The following TP73 variants were observed in gnomAD, a reference collection of about 807,000 sequenced individuals.
TP73 encodes tumor protein p73.
In TP73, 25 loss-of-function variants were observed where a neutral mutation model predicts 62.5. The observed-to-expected ratio is 0.40, with a 90% confidence interval of 0.29 to 0.56. The LOEUF (loss-of-function observed/expected upper bound fraction) is 0.56. Ranked by LOEUF, TP73 falls within the 20% of genes least tolerant of loss-of-function variation. TP73 has a pLI of 0.46. For missense variants in TP73, 754 were observed against 913.3 expected (o/e 0.83, Z 2.25); for synonymous variants, 423 against 377.5 (o/e 1.12, Z -1.40).
Position 3,732,866 on chromosome 1 carries a change from G to A in TP73, c.1698G>A (p.Ala566=), listed in dbSNP as rs772071972. ...TAQQLLRSSN[A]ATISIGGSGE... is the part of the protein sequence containing the mutation. ...AGCAGCTGCTCCGCTCTAGCAACGC[G>A]GCCACCATCTCCATCGGCGGCTCAG... is the stretch of plus-strand genomic sequence containing the variant. Residue 566 remains alanine (A), a synonymous_variant, in exon 14 of 14, where the codon GCG becomes GCA. Transcript: ENST00000378295. The A allele has an allele frequency of 1.1e-5, 18 of 1,611,906 alleles. No individual in the cohort carries two copies. Among genetic ancestry groups the A allele is most frequent in the East Asian group, 2.2e-5 (1 of 44,876 alleles).
chr1:3,732,788 C>T lies in TP73; in HGVS notation c.1620C>T (p.Thr540=). 2 of 1,602,590 alleles carry T rather than the reference C, an allele frequency of 1.2e-6. No homozygotes were observed. Among genetic ancestry groups the T allele is most frequent in the South Asian group, 2.2e-5 (2 of 90,378 alleles). ...ALKIPEQYRM[T]IWRGLQDLKQ... is the part of the protein sequence containing the mutation. The stretch of plus-strand genomic sequence containing the variant: ...AGATCCCCGAGCAGTACCGCATGAC[C>T]ATCTGGCGGGGCCTGCAGGACCTGA... The change falls in exon 14 of 14, where the codon ACC becomes ACT. Residue 540 remains threonine, a synonymous_variant. Coordinates refer to ENST00000378295, the MANE Select transcript of TP73 (RefSeq NM_005427.4).
Position 3,711,458 on chromosome 1 carries a change from T to C in TP73, c.429+3667T>C, listed in dbSNP as rs561957455. Reference sequence around the variant, plus strand: ...GGCAGAGAATGAACAGGAGTTCCTCTAGCTGTCAGAACAGCCCGACGCGAT... The same window carrying C: ...GGCAGAGAATGAACAGGAGTTCCTCCAGCTGTCAGAACAGCCCGACGCGAT... On this transcript the variant is annotated intron_variant, in intron 4 of 13. Coordinates refer to ENST00000378295, the MANE Select transcript of TP73 (RefSeq NM_005427.4). 6.6e-4 allele frequency among the ~76,000 whole-genome samples: 100 copies of C among 152,358 alleles called. 1 individual carries two copies. The highest frequency in any genetic ancestry group is 2.3e-3 in the African/African-American group (95 of 41,594).
At position 3,682,395 on chromosome 1, in the gene TP73, TG is replaced by T. The variant is rs2102089669; in HGVS notation, c.35del (p.Gly12AlafsTer46). The T allele has an allele frequency of 1.3e-6, 2 of 1,565,110 alleles. No homozygotes were observed. Among genetic ancestry groups the T allele is most frequent in the East Asian group, 2.3e-5 (1 of 42,692 alleles). MAQSTATSPD[G>X]GTTFEHLWSS... is the part of the protein sequence containing the mutation. ...CCCAGTCCACCGCCACCTCCCCTGA[TG>T]GGGGCACCACGTTTGAGCACCTCTG... On this transcript the variant is annotated frameshift_variant, in exon 2 of 14. Coordinates refer to ENST00000378295, the MANE Select transcript of TP73 (RefSeq NM_005427.4). LOFTEE classifies it high-confidence loss of function.
intron 4 of TP73, among the ~76,000 whole-genome samples, chr1:3,718,029 G>A (rs1415333546): frequency 6.6e-6 from 1 of 152,196 alleles, no homozygotes; most frequent in Admixed American, 6.5e-5. Flanking sequence ...CCTGAGGACA[G>A]GGGCCTCCTT....
Position 3,730,116 on chromosome 1 carries a change from G to T in TP73, c.1313G>T (p.Ser438Ile), listed in dbSNP as rs1642013663. 6.4e-7 allele frequency: 1 copy of T among 1,572,220 alleles called. No individual in the cohort carries two copies. The highest frequency in any genetic ancestry group is 8.6e-7 in the Non-Finnish European group (1 of 1,158,706). The change falls in exon 11 of 14, where the codon AGT becomes ATT. Residue 438 changes from serine (S) to isoleucine (I), a missense_variant. Ser to Ile is a moderately radical substitution (Grantham distance 142). Around this residue, in one of 3 missense-constraint regions of TP73, gnomAD observed 458 missense variants for 528.7 expected, o/e 0.87. Coordinates refer to ENST00000378295, the MANE Select transcript of TP73 (RefSeq NM_005427.4). ...NQLVGQPPPH[S>I]SAATPNLGPV... The stretch of plus-strand genomic sequence containing the variant: ...CTGGTGGGCCAGCCTCCCCCGCACA[G>T]TTCGGCAGCTACACCCAACCTGGGG...
chr1:3,686,292 T>C (rs1319863399), intron 3 of TP73, among the ~76,000 whole-genome samples: 1 of 152,220 alleles, frequency 6.6e-6, no homozygotes, highest in South Asian at 2.1e-4. Context: ...TTGGTTCCCG[T>C]TGGACACAGG....
chr1:3,697,186 G>A (rs969364017), intron 3 of TP73, among the ~76,000 whole-genome samples: 8 of 133,322 alleles, frequency 6.0e-5, no homozygotes, highest in South Asian at 2.4e-4. Flanking sequence ...TCGCACCCGC[G>A]GCCCACCTCG....
intron 1 of TP73, among the ~76,000 whole-genome samples, chr1:3,674,385 G>A (rs948032152): frequency 6.6e-6 from 1 of 152,248 alleles, no homozygotes; most frequent in Non-Finnish European, 1.5e-5. Flanking sequence ...GTGGGAGGCT[G>A]TGTTTGTCTT....
intron 3 of TP73, among the ~76,000 whole-genome samples, chr1:3,685,892 C>G (rs1234688205): frequency 2.0e-5 from 3 of 152,228 alleles, no homozygotes; most frequent in African/African-American, 7.2e-5. Flanking sequence ...GCTCAGGGGC[C>G]CAGTTCTAGC....
At chr1:3,669,610 C>T (rs2102041077) in intron 1 of TP73, among the ~76,000 whole-genome samples, 1 of 152,386 alleles carries the variant, frequency 6.6e-6, no homozygotes. Context: ...CAGTTCTCCC[C>T]AGCCCCCTCA....
intron 1 of TP73, among the ~76,000 whole-genome samples, chr1:3,679,334 C>T (rs190215407): frequency 1.3e-5 from 2 of 152,356 alleles, no homozygotes; most frequent in East Asian, 1.9e-4. Context: ...AGGGATGCCC[C>T]GTGCACACCT....
intron 3 of TP73, among the ~76,000 whole-genome samples, chr1:3,705,529 C>G (rs547564510): frequency 6.6e-6 from 1 of 152,248 alleles, no homozygotes; most frequent in Non-Finnish European, 1.5e-5. Flanking sequence ...GCCGAGGCCT[C>G]GTGCCAAGAC....
chr1:3,734,854 G>A lies in TP73; in HGVS notation c.*1775G>A, dbSNP rs1168907138. 1.3e-5 allele frequency: 2 copies of A among 152,284 alleles called. No individual in the cohort carries two copies. The highest frequency in any genetic ancestry group is 4.8e-5 in the African/African-American group (2 of 41,422). The allele number at this position is 152,284 out of a possible 1,614,324, so 9.4% of individuals were successfully genotyped here. On this transcript the variant is annotated 3_prime_UTR_variant, in exon 14 of 14. Transcript: ENST00000378295. This position sits in a 1 kb window ranked among gnomAD's most constrained non-coding sequence, Gnocchi z 4.4. The stretch of plus-strand genomic sequence containing the variant: ...AGGAACGGGGCTGTCGGCTCTCAGG[G>A]GATCTGGCTGCAGCCAGGGCGAGGG...
At chr1:3,708,931 C>T (rs1004190417) in intron 4 of TP73, among the ~76,000 whole-genome samples, 3 of 152,206 alleles carry the variant, frequency 2.0e-5, no homozygotes, top group African/African-American at 4.8e-5. Flanking sequence ...CCATGCAGGG[C>T]GGCCGCATTC....
At chr1:3,675,510 TGGA>T (rs1645343623) in intron 1 of TP73, among the ~76,000 whole-genome samples, 1 of 152,018 alleles carries the variant, frequency 6.6e-6, no homozygotes, top group East Asian at 1.9e-4. Context: ...CCTCCCTGAA[TGGA>T]GGAGGACACC....
intron 1 of TP73, among the ~76,000 whole-genome samples, chr1:3,659,720 G>A (rs906431461): frequency 1.3e-4 from 19 of 151,958 alleles, no homozygotes; most frequent in African/African-American, 4.4e-4. Context: ...CCACTCCGTC[G>A]CTCAAGGCTA....
chr1:3,653,263 T>C (rs1644796977), intron 1 of TP73, among the ~76,000 whole-genome samples: 1 of 152,206 alleles, frequency 6.6e-6, no homozygotes, highest in South Asian at 2.1e-4. Context: ...TCCTGGCCTG[T>C]CTCCGGAGCG....
chr1:3,687,297 TC>T (rs1464876588), intron 3 of TP73, among the ~76,000 whole-genome samples: 1 of 152,128 alleles, frequency 6.6e-6, no homozygotes, highest in East Asian at 1.9e-4. Context: ...CCTGGCTGGT[TC>T]CCTGAATGAG....
chr1:3,702,488 C>G (rs1275842735), intron 3 of TP73, among the ~76,000 whole-genome samples: 1 of 152,184 alleles, frequency 6.6e-6, no homozygotes, highest in Admixed American at 6.5e-5. Context: ...AGCCCCCAGC[C>G]CCCAGCCCAG....
Sources: gnomAD v4.1 joint callset for allele counts (sites outside exome capture counted in the v4.1 genomes callset) on GRCh38, gnomAD v4.1.1 for gene constraint, gnomAD v4.1.1 regional missense constraint, Gnocchi (gnomAD v3.1) non-coding constraint, MANE v1.5 for transcripts, NCBI Gene and HGNC (gene_info 2026-07-23, HGNC 2026-07-21) for gene names.